Variants in SPAG16 observed in about 807,000 individuals in gnomAD.
SPAG16 encodes the protein sperm associated antigen 16.
Under a neutral mutation model 80.4 loss-of-function variants are expected in SPAG16, and 86 were observed. That is an observed-to-expected ratio of 1.07 (90% confidence interval 0.90 to 1.28). The LOEUF (loss-of-function observed/expected upper bound fraction) is 1.28, where lower values mean the gene tolerates loss of function less well. SPAG16 is among the 50% of genes most tolerant of loss of function. The pLI is 0.00. For synonymous variants in SPAG16, 294 were observed against 265.9 expected, an observed-to-expected ratio of 1.11 and a Z score of -1.03; for missense variants, 870 against 765.3, an observed-to-expected ratio of 1.14 and a Z score of -1.61.
intron 10 of SPAG16, among the ~76,000 whole-genome samples, chr2:213,601,485 G>T (rs1184553097): frequency 2.0e-5 from 3 of 152,174 alleles, no homozygotes; most frequent in South Asian, 2.1e-4. Flanking sequence ...ACGCTAGGGT[G>T]TATGCCTATG....
chr2:213,653,444 C>T (rs2063099178), intron 10 of SPAG16, among the ~76,000 whole-genome samples: 1 of 152,138 alleles, frequency 6.6e-6, no homozygotes, highest in Non-Finnish European at 1.5e-5. Context: ...CCACTTTTCC[C>T]TTCTATATAC....
Position 214,033,183 on chromosome 2 carries a change from G to A in SPAG16, c.1527+19106G>A, listed in dbSNP as rs905139599. On this transcript the variant is annotated intron_variant, in intron 13 of 15. Coordinates refer to ENST00000331683, the MANE Select transcript of SPAG16 (RefSeq NM_024532.5). ...AAAGTAGGTGACAACTGCAGCAAAT[G>A]CATGATCACTTATTTTTCCCCAAGA... Among the ~76,000 whole-genome samples the A allele has an allele frequency of 2.0e-5, 3 of 152,158 alleles. No individual in the cohort carries two copies. In the East Asian group the frequency reaches 5.8e-4, roughly 29 times the overall value.
At chr2:213,949,638 C>T (rs996903289) in intron 12 of SPAG16, among the ~76,000 whole-genome samples, 2 of 152,156 alleles carry the variant, frequency 1.3e-5, no homozygotes, top group African/African-American at 4.8e-5. Flanking sequence ...TAAGTTTTGA[C>T]TGAGGACTGA....
intron 5 of SPAG16, chr2:213,317,626 A>T (rs538183960): frequency 9.4e-7 from 1 of 1,068,716 alleles, no homozygotes; most frequent in Non-Finnish European, 1.1e-6. Flanking sequence ...TGTGTATTTG[A>T]TAGTCTTTTC....
In SPAG16 at chr2:214,093,260, A is replaced by C. The variant is rs139194956; in HGVS notation, c.1528-14936A>C. Among the ~76,000 whole-genome samples, 546 of 152,148 alleles carry C rather than the reference A, an allele frequency of 3.6e-3. 4 individuals carry two copies. The highest frequency in any genetic ancestry group is 0.013 in the African/African-American group (524 of 41,538). ...GAATAAATGATGTGGTTTCTCTTCA[A>C]CAGTGATATAATAATTCATAAATTA... On this transcript the variant is annotated intron_variant, in intron 13 of 15. Transcript: ENST00000331683.
At chr2:213,861,335 T>A (rs2075449267) in intron 10 of SPAG16, among the ~76,000 whole-genome samples, 2 of 152,226 alleles carry the variant, frequency 1.3e-5, no homozygotes, top group Admixed American at 6.5e-5. Context: ...TGCTCTCATA[T>A]AAGCCTGGAG....
chr2:214,209,187 C>T (rs967530895), intron 15 of SPAG16, among the ~76,000 whole-genome samples: 1 of 152,006 alleles, frequency 6.6e-6, no homozygotes, highest in Admixed American at 6.6e-5. Context: ...AATAAGGGTC[C>T]CTTCACCCAC....
At chr2:214,168,570 A>G (rs573390703) in intron 15 of SPAG16, among the ~76,000 whole-genome samples, 15 of 152,192 alleles carry the variant, frequency 9.9e-5, no homozygotes, top group Non-Finnish European at 1.9e-4. Flanking sequence ...ATACACAGTG[A>G]AAGAGTGGAT....
chr2:213,375,482 A>C (rs1025369796), intron 9 of SPAG16, among the ~76,000 whole-genome samples: 2 of 152,028 alleles, frequency 1.3e-5, no homozygotes, highest in African/African-American at 2.4e-5. Flanking sequence ...GTCAGACTTT[A>C]CTTAGTCTCT....
intron 13 of SPAG16, among the ~76,000 whole-genome samples, chr2:214,086,493 C>A (rs112923180): frequency 6.6e-6 from 1 of 151,968 alleles, no homozygotes; most frequent in African/African-American, 2.4e-5. Flanking sequence ...AGGCAGTCCC[C>A]CTGTGCTGTT....
intron 15 of SPAG16, among the ~76,000 whole-genome samples, chr2:214,310,951 G>A (rs577252962): frequency 6.6e-6 from 1 of 152,308 alleles, no homozygotes; most frequent in East Asian, 1.9e-4. Context: ...ACAAGCCTAA[G>A]CAGTGGGCAC....
chr2:213,678,248 C>T (rs6435785), intron 10 of SPAG16, among the ~76,000 whole-genome samples: 40,593 of 151,754 alleles, frequency 0.27, 6,323 homozygotes, highest in Middle Eastern at 0.41. Context: ...AGCCAGCAGA[C>T]GGCAAGAAAT....
intron 10 of SPAG16, among the ~76,000 whole-genome samples, chr2:213,834,895 C>G (rs948323145): frequency 1.3e-5 from 2 of 152,134 alleles, no homozygotes; most frequent in African/African-American, 4.8e-5. Flanking sequence ...CTTTTGTCAT[C>G]TGTTTCTATT....
chr2:213,874,082 T>C (rs79171424), intron 11 of SPAG16, among the ~76,000 whole-genome samples: 2,315 of 152,166 alleles, frequency 0.015, 61 homozygotes, highest in African/African-American at 0.053. Context: ...AAAAGTGGTA[T>C]ACTTGTTTAG....
chr2:213,975,418 T>A (rs1163802127), intron 12 of SPAG16, among the ~76,000 whole-genome samples: 3 of 151,654 alleles, frequency 2.0e-5, no homozygotes, highest in Non-Finnish European at 4.4e-5. Context: ...AAATGACAAT[T>A]TATTAACATG....
chr2:213,994,575 TC>T (rs1460960403), intron 12 of SPAG16, among the ~76,000 whole-genome samples: 1 of 124,270 alleles, frequency 8.0e-6, no homozygotes, highest in South Asian at 3.2e-4. Context: ...TGATTTTCCA[TC>T]CTTTTTTTTT....
At chr2:214,124,772 G>T (rs1246191522) in intron 14 of SPAG16, among the ~76,000 whole-genome samples, 1 of 151,776 alleles carries the variant, frequency 6.6e-6, no homozygotes, top group Non-Finnish European at 1.5e-5. Flanking sequence ...CTCTGGAAGA[G>T]ATTTAATTTG....
intron 11 of SPAG16, among the ~76,000 whole-genome samples, chr2:213,903,064 A>G (rs2077283918): frequency 6.6e-6 from 1 of 152,164 alleles, no homozygotes; most frequent in Non-Finnish European, 1.5e-5. Flanking sequence ...GTGGCTTTGC[A>G]GGGTACAGCC....
chr2:214,121,581 A>G (rs1023608251), intron 14 of SPAG16, among the ~76,000 whole-genome samples: 6 of 151,874 alleles, frequency 4.0e-5, no homozygotes, highest in Non-Finnish European at 8.9e-5. Flanking sequence ...AATACATACA[A>G]TGTGTTTTAA....
Sources: allele counts gnomAD v4.1 joint callset (sites outside exome capture counted in the v4.1 genomes callset), GRCh38; gene constraint gnomAD v4.1.1; transcripts MANE v1.5; gene names NCBI Gene and HGNC (gene_info 2026-07-23, HGNC 2026-07-21).